Variants in NECAB1 observed in about 807,000 individuals in gnomAD.
NECAB1 encodes the protein N-terminal EF-hand calcium binding protein 1, also known as N-terminal EF-hand calcium-binding protein 1.
Under a neutral mutation model 57.5 loss-of-function variants are expected in NECAB1, and 29 were observed. That is an observed-to-expected ratio of 0.50 (90% CI 0.38 to 0.69). The LOEUF is 0.69. Among genes scored for constraint, NECAB1 ranks in the 30% least tolerant of loss-of-function variants. The pLI is 0.00. For synonymous variants in NECAB1, 142 were observed against 147.7 expected, an observed-to-expected ratio of 0.96 and a Z score of 0.28; for missense variants, 372 against 413.8, an observed-to-expected ratio of 0.90 and a Z score of 0.88.
intron 3 of NECAB1, among the ~76,000 whole-genome samples, chr8:90,847,909 G>A (rs1812599531): frequency 6.6e-6 from 1 of 152,210 alleles, no homozygotes; most frequent in Non-Finnish European, 1.5e-5. Context: ...TGATGGGAGG[G>A]GCTGCCGCAA....
intron 3 of NECAB1, among the ~76,000 whole-genome samples, chr8:90,831,376 G>A (rs758052931): frequency 6.6e-6 from 1 of 152,032 alleles, no homozygotes; most frequent in Non-Finnish European, 1.5e-5. Flanking sequence ...TGAGTCCCCC[G>A]CAGATCAAAT....
At chr8:90,847,910 G>T (rs1484034551) in intron 3 of NECAB1, among the ~76,000 whole-genome samples, 1 of 152,206 alleles carries the variant, frequency 6.6e-6, no homozygotes, top group East Asian at 1.9e-4. Context: ...GATGGGAGGG[G>T]CTGCCGCAAA....
At chr8:90,917,895 T>C (rs1173153098) in intron 6 of NECAB1, among the ~76,000 whole-genome samples, 1 of 128,950 alleles carries the variant, frequency 7.8e-6, no homozygotes, top group Non-Finnish European at 1.6e-5. Flanking sequence ...TGTATATATA[T>C]GTCTGTGTGT....
intron 10 of NECAB1, among the ~76,000 whole-genome samples, chr8:90,949,363 T>G (rs1253683343): frequency 1.3e-5 from 2 of 152,126 alleles, no homozygotes; most frequent in East Asian, 1.9e-4. Context: ...AATACAGGAA[T>G]GTTGTATGGC....
At chr8:90,925,438 C>G (rs1317690217) in intron 6 of NECAB1, 97 bp from the exon 7 acceptor site, 3 of 1,392,674 alleles carry the variant, frequency 2.2e-6, no homozygotes, top group Non-Finnish European at 2.9e-6. Flanking sequence ...TTTTGCTGCA[C>G]TAGAAAACCT....
chr8:90,955,384 T>G, intron 12 of NECAB1, 103 bp from the exon 13 acceptor site: 1 of 813,778 alleles, frequency 1.2e-6, no homozygotes, highest in Non-Finnish European at 2.0e-6. Flanking sequence ...TTATGCAGAC[T>G]AAAGGTAAGG....
chr8:90,868,956 A>G (rs751688761), intron 3 of NECAB1, among the ~76,000 whole-genome samples: 1 of 152,220 alleles, frequency 6.6e-6, no homozygotes, highest in Admixed American at 6.5e-5. Flanking sequence ...AAATCATTTC[A>G]TGGACAAGGC....
chr8:90,798,121 G>C (rs1188148380), intron 1 of NECAB1, among the ~76,000 whole-genome samples: 6 of 152,110 alleles, frequency 3.9e-5, no homozygotes, highest in Admixed American at 2.6e-4. Flanking sequence ...TTGGCTTTCA[G>C]CTGCACCACG....
chr8:90,938,236 A>C (rs1317879062), intron 9 of NECAB1, among the ~76,000 whole-genome samples: 1 of 152,212 alleles, frequency 6.6e-6, no homozygotes, highest in Non-Finnish European at 1.5e-5. Flanking sequence ...AGTCCAAGAC[A>C]TTCCAAATAT....
intron 2 of NECAB1, among the ~76,000 whole-genome samples, chr8:90,813,779 T>C (rs1437854445): frequency 6.6e-6 from 1 of 152,212 alleles, no homozygotes; most frequent in Non-Finnish European, 1.5e-5. Context: ...TCCTTCTGCC[T>C]TGGCCTCCCA....
chr8:90,927,776 A>G (rs1810310341), intron 7 of NECAB1, among the ~76,000 whole-genome samples: 1 of 142,324 alleles, frequency 7.0e-6, no homozygotes, highest in East Asian at 1.9e-4. Flanking sequence ...GATCCTGGGA[A>G]AGGAGACACC....
At chr8:90,804,560 G>A (rs1811817022) in intron 2 of NECAB1, among the ~76,000 whole-genome samples, 1 of 150,738 alleles carries the variant, frequency 6.6e-6, no homozygotes, top group African/African-American at 2.4e-5. Flanking sequence ...AGGTGATAGA[G>A]ACATTAATCT....
At chr8:90,815,916 A>G (rs1365227680) in intron 2 of NECAB1, among the ~76,000 whole-genome samples, 1 of 151,972 alleles carries the variant, frequency 6.6e-6, no homozygotes, top group Admixed American at 6.6e-5. Flanking sequence ...AAATTTTCAA[A>G]TGTTGGATAA....
chr8:90,952,498 G>T (rs755182024), intron 12 of NECAB1, among the ~76,000 whole-genome samples: 4 of 152,242 alleles, frequency 2.6e-5, no homozygotes, highest in African/African-American at 9.6e-5. Flanking sequence ...TGGGAGGAAG[G>T]CTGGGCGCGG....
At chr8:90,911,980 G>A (rs1329518829) in intron 5 of NECAB1, among the ~76,000 whole-genome samples, 1 of 152,160 alleles carries the variant, frequency 6.6e-6, no homozygotes, top group African/African-American at 2.4e-5. Flanking sequence ...GATTTTAAAA[G>A]GTTGAATACT....
intron 5 of NECAB1, among the ~76,000 whole-genome samples, chr8:90,894,565 G>T (rs1466537877): frequency 2.0e-5 from 3 of 152,144 alleles, no homozygotes; most frequent in Non-Finnish European, 2.9e-5. Flanking sequence ...CATGTAGGGG[G>T]TCTAGTACTG....
intron 5 of NECAB1, among the ~76,000 whole-genome samples, chr8:90,906,751 C>T (rs532505600): frequency 3.0e-4 from 46 of 151,464 alleles, no homozygotes; most frequent in African/African-American, 1.0e-3. Context: ...TATTACCTTC[C>T]AATTTATCAA....
intron 3 of NECAB1, among the ~76,000 whole-genome samples, chr8:90,835,496 A>G (rs1325623122): frequency 6.6e-6 from 1 of 152,250 alleles, no homozygotes; most frequent in Non-Finnish European, 1.5e-5. Context: ...GAGCCAACAT[A>G]AGAACCCATT....
At chr8:90,814,316 T>TG (rs1303912373) in intron 2 of NECAB1, among the ~76,000 whole-genome samples, 1 of 152,210 alleles carries the variant, frequency 6.6e-6, no homozygotes, top group African/African-American at 2.4e-5. Flanking sequence ...AGGATGCTGA[T>TG]GTTGATATTG....
Sources: gnomAD v4.1 joint callset for allele counts (sites outside exome capture counted in the v4.1 genomes callset) on GRCh38, gnomAD v4.1.1 for gene constraint, MANE v1.5 for transcripts, NCBI Gene and HGNC (gene_info 2026-07-23, HGNC 2026-07-21) for gene names.